The following ATP8B4 variants were observed in gnomAD, a reference collection of about 807,000 sequenced individuals.
ATP8B4 encodes ATPase phospholipid transporting 8B4 (putative).
Under a neutral mutation model 145.6 loss-of-function variants are expected in ATP8B4, and 133 were observed. That is an observed-to-expected ratio of 0.91 (90% CI 0.79 to 1.05). The LOEUF (loss-of-function observed/expected upper bound fraction) is 1.05, where lower values mean the gene tolerates loss of function less well. ATP8B4 is among the 50% of genes least tolerant of loss of function. ATP8B4 has a pLI of 0.00. For missense variants in ATP8B4, 1,458 were observed against 1,425.2 expected (o/e 1.02, Z -0.37); for synonymous variants, 507 against 492.9 (o/e 1.03, Z -0.38).
At chr15:50,143,562 C>A (rs2044239399) in intron 1 of ATP8B4, among the ~76,000 whole-genome samples, 2 of 145,894 alleles carry the variant, frequency 1.4e-5, no homozygotes, top group Admixed American at 1.4e-4. Context: ...TTTACTTTCA[C>A]AATATTCCAT....
chr15:50,171,574 C>G (rs1372168929), intron 1 of ATP8B4, among the ~76,000 whole-genome samples: 1 of 152,116 alleles, frequency 6.6e-6, no homozygotes, highest in Non-Finnish European at 1.5e-5. Flanking sequence ...GAGGAAAGTT[C>G]ATACCCCTAA....
intron 3 of ATP8B4, among the ~76,000 whole-genome samples, chr15:50,068,285 G>C (rs542554642): frequency 3.3e-5 from 5 of 152,198 alleles, no homozygotes; most frequent in African/African-American, 9.6e-5. Flanking sequence ...TTGTAGCACT[G>C]ACTGCTGGGG....
chr15:50,151,148 G>T (rs868313237), intron 1 of ATP8B4, among the ~76,000 whole-genome samples: 2 of 152,236 alleles, frequency 1.3e-5, no homozygotes, highest in Admixed American at 1.3e-4. Context: ...GCAATTCCAT[G>T]AAAGAAAGTT....
In ATP8B4 at chr15:50,006,897, C is replaced by T. The variant is rs149528229; in HGVS notation, c.435+3948G>A. 1.3e-3 allele frequency among the ~76,000 whole-genome samples: 205 copies of T among 152,190 alleles called. 1 individual carries two copies. Among genetic ancestry groups the T allele is most frequent in the African/African-American group, 4.8e-3 (198 of 41,516 alleles). On this transcript the variant is annotated intron_variant, in intron 7 of 27. Coordinates refer to ENST00000284509, the MANE Select transcript of ATP8B4 (RefSeq NM_024837.4). ...AAAGGTACACCTGGCTCCCACGGTC[C>T]GAGTTCCGGTGGTATCAGGAACTCT...
chr15:49,972,405 T>G (rs1244465721), intron 13 of ATP8B4, among the ~76,000 whole-genome samples, 177 bp downstream of exon 13: 1 of 152,160 alleles, frequency 6.6e-6, no homozygotes, highest in African/African-American at 2.4e-5. Context: ...CAATACATAT[T>G]TAGTGAGAAT....
chr15:50,171,729 GAAACAAAC>G (rs369339104), intron 1 of ATP8B4, among the ~76,000 whole-genome samples: 1 of 151,688 alleles, frequency 6.6e-6, no homozygotes, highest in Non-Finnish European at 1.5e-5. Context: ...AAATGAAATT[GAAACAAAC>G]AAACAAACAA....
intron 16 of ATP8B4, among the ~76,000 whole-genome samples, 183 bp from the exon 17 acceptor site, chr15:49,923,677 T>A (rs1326625112): frequency 6.6e-6 from 1 of 152,220 alleles, no homozygotes; most frequent in East Asian, 1.9e-4. Context: ...ATTTATTAAC[T>A]TAAGAAATGC....
At chr15:50,151,099 G>A (rs1031689243) in intron 1 of ATP8B4, among the ~76,000 whole-genome samples, 2 of 152,140 alleles carry the variant, frequency 1.3e-5, no homozygotes, top group Non-Finnish European at 2.9e-5. Flanking sequence ...TCTAGTTTCA[G>A]CTTATAGGGC....
chr15:49,893,421 T>C (rs1374108656), intron 23 of ATP8B4, among the ~76,000 whole-genome samples: 1 of 152,182 alleles, frequency 6.6e-6, no homozygotes, highest in South Asian at 2.1e-4. Context: ...GATGGATACA[T>C]GGATAAACAA....
intron 2 of ATP8B4, among the ~76,000 whole-genome samples, chr15:50,096,124 A>C (rs1402316619): frequency 1.3e-5 from 2 of 152,232 alleles, no homozygotes; most frequent in Non-Finnish European, 2.9e-5. Context: ...AAAGTGCAGA[A>C]GACTGAGCCA....
chr15:50,099,500 A>G (rs1465548503), intron 2 of ATP8B4, among the ~76,000 whole-genome samples: 1 of 152,070 alleles, frequency 6.6e-6, no homozygotes. Flanking sequence ...ACTCTGGTCT[A>G]AAACTCCTGA....
intron 1 of ATP8B4, among the ~76,000 whole-genome samples, chr15:50,118,397 T>C (rs546806419): frequency 3.0e-4 from 45 of 152,316 alleles, no homozygotes; most frequent in African/African-American, 1.1e-3. Context: ...TGAGTTTACA[T>C]TTTGTAGTAA....
chr15:49,925,274 AT>A (rs1843958916), intron 16 of ATP8B4, among the ~76,000 whole-genome samples: 1 of 152,100 alleles, frequency 6.6e-6, no homozygotes, highest in African/African-American at 2.4e-5. Flanking sequence ...TAGTTTGGAG[AT>A]TGGCATTATT....
intron 3 of ATP8B4, among the ~76,000 whole-genome samples, chr15:50,061,199 A>AC (rs1223461593): frequency 6.6e-6 from 1 of 151,924 alleles, no homozygotes; most frequent in Non-Finnish European, 1.5e-5. Flanking sequence ...ATAAAAAAAA[A>AC]ATCAGTGAAA....
At chr15:50,167,610 A>G (rs375379648) in intron 1 of ATP8B4, among the ~76,000 whole-genome samples, 2 of 152,286 alleles carry the variant, frequency 1.3e-5, no homozygotes, top group Non-Finnish European at 2.9e-5. Flanking sequence ...GGCTCTGGGT[A>G]TACACATCTT....
intron 1 of ATP8B4, among the ~76,000 whole-genome samples, chr15:50,168,133 G>C (rs2044620342): frequency 6.6e-6 from 1 of 152,146 alleles, no homozygotes; most frequent in East Asian, 1.9e-4. Context: ...AGGAAACAAA[G>C]AAGTAAAGGA....
At chr15:50,090,811 C>T (rs1458559993) in intron 2 of ATP8B4, among the ~76,000 whole-genome samples, 1 of 151,752 alleles carries the variant, frequency 6.6e-6, no homozygotes, top group African/African-American at 2.4e-5. Flanking sequence ...TGGTCTCAAA[C>T]TCTTGGGCTC....
intron 25 of ATP8B4, 61 bp from the exon 26 acceptor site, chr15:49,866,545 C>T: frequency 1.3e-6 from 2 of 1,582,514 alleles, no homozygotes; most frequent in Admixed American, 3.4e-5. Flanking sequence ...ATCATTTTAC[C>T]TCGTGATGTT....
intron 9 of ATP8B4, among the ~76,000 whole-genome samples, chr15:49,990,609 T>C (rs2046974584): frequency 6.6e-6 from 1 of 152,102 alleles, no homozygotes. Flanking sequence ...CTAGATTTAG[T>C]CAGCTGGATC....
Sources: gnomAD v4.1 joint callset for allele counts (sites outside exome capture counted in the v4.1 genomes callset) on GRCh38, gnomAD v4.1.1 for gene constraint, MANE v1.5 for transcripts, NCBI Gene and HGNC (gene_info 2026-07-23, HGNC 2026-07-21) for gene names.